FGD6: variants seen among roughly 807,000 people sequenced by gnomAD.
FGD6 encodes the protein FYVE, RhoGEF and PH domain containing 6.
FGD6 carries 90 observed loss-of-function variants against 149.4 expected under a neutral mutation model. The observed-to-expected ratio is 0.60, with a 90% CI of 0.51 to 0.72. The LOEUF (loss-of-function observed/expected upper bound fraction) is 0.72. Among genes scored for constraint, FGD6 ranks in the 30% least tolerant of loss-of-function variants. The pLI, the probability that FGD6 is intolerant of heterozygous loss-of-function variation, is 0.00. For synonymous variants in FGD6, 527 were observed against 584.0 expected (o/e 0.90, Z 1.41); for missense variants, 1,437 against 1,684.8 (o/e 0.85, Z 2.57).
chr12:95,188,960 T>C (rs1881518417), intron 2 of FGD6, among the ~76,000 whole-genome samples: 1 of 152,208 alleles, frequency 6.6e-6, no homozygotes, highest in Non-Finnish European at 1.5e-5. Context: ...GCAATAGTTT[T>C]TGGTCTACTT....
rs1211845755 is a variant in FGD6, at chr12:95,209,101, G to A, written c.2183C>T (p.Ser728Phe). The change falls in exon 2 of 21, where the codon TCC becomes TTC. Residue 728 changes from serine to phenylalanine, a missense_variant. Coordinates refer to ENST00000343958, the MANE Select transcript of FGD6 (RefSeq NM_018351.4). ...RAESLDDQML[S>F]RESSSQAPYK... ...AGGTGCCTGAGATGATGACTCCCGGGAGAGCATTTGGTCATCCAAAGACTC... is the reference window on the plus strand; with the variant it reads ...AGGTGCCTGAGATGATGACTCCCGGAAGAGCATTTGGTCATCCAAAGACTC... 3.1e-6 allele frequency: 5 copies of A among 1,614,134 alleles called. No homozygotes were observed. The highest frequency in any genetic ancestry group is 1.1e-5 in the South Asian group (1 of 91,080).
intron 2 of FGD6, among the ~76,000 whole-genome samples, chr12:95,205,577 A>C (rs1413891569): frequency 6.6e-6 from 1 of 152,236 alleles, no homozygotes; most frequent in East Asian, 1.9e-4. Context: ...TTTTGAATTA[A>C]GTATTCTAAG....
At chr12:95,148,508 CATATATTATATTATATATTATATAATAT>C (rs1880081832) in intron 5 of FGD6, among the ~76,000 whole-genome samples, 1 of 115,828 alleles carries the variant, frequency 8.6e-6, no homozygotes, top group Admixed American at 1.0e-4. Context: ...TAATATATAG[CATATATTATATTATATATTATATAATAT>C]ATAGCATATA....
intron 11 of FGD6, 131 bp downstream of exon 11, chr12:95,108,217 C>A (rs75240920): frequency 1.3e-6 from 1 of 777,740 alleles, no homozygotes; most frequent in Admixed American, 2.9e-5. Context: ...ATGTTTTGAA[C>A]GGATAAAGTG....
chr12:95,081,665 T>TA (rs1565890405), intron 20 of FGD6, 109 bp from the exon 21 acceptor site: 1 of 460,254 alleles, frequency 2.2e-6, no homozygotes, highest in Non-Finnish European at 3.6e-6. Flanking sequence ...ACAACATAGG[T>TA]AAGATATATA....
At chr12:95,173,017 C>T (rs1037052511) in intron 2 of FGD6, among the ~76,000 whole-genome samples, 4 of 152,144 alleles carry the variant, frequency 2.6e-5, no homozygotes, top group African/African-American at 9.7e-5. Context: ...ATATATCCCT[C>T]CCAAAGAAGA....
At chr12:95,145,299 A>G (rs1447467506) in intron 5 of FGD6, among the ~76,000 whole-genome samples, 1 of 152,158 alleles carries the variant, frequency 6.6e-6, no homozygotes, top group Non-Finnish European at 1.5e-5. Context: ...AGAGAATTAC[A>G]TATTCTAAGT....
chr12:95,200,808 G>A (rs916633186), intron 2 of FGD6, among the ~76,000 whole-genome samples: 1 of 151,984 alleles, frequency 6.6e-6, no homozygotes, highest in Non-Finnish European at 1.5e-5. Flanking sequence ...ATTACCAGAA[G>A]CAGGCTAAGC....
At position 95,148,940 on chromosome 12, in the gene FGD6, ATATATAT is replaced by A. The variant is rs1165081168; in HGVS notation, c.2685+3864_2685+3870del. Among the ~76,000 whole-genome samples the A allele has an allele frequency of 8.6e-3, 4 of 464 alleles. 1 individual carries two copies. The African/African-American group carries it at 0.11, about 13-fold the overall frequency. 0.3% of individuals were successfully genotyped at this position (464 alleles called of 152,430 possible). A position where few individuals can be genotyped will look rare whatever the true frequency, so the allele number is the denominator to read the frequency against. Reference sequence around the variant, plus strand: ...TATTATATAAGATATAGCATATATTATATATATTATATAAGATATAGCATATATTATA... The same window carrying A: ...TATTATATAAGATATAGCATATATTATATATAAGATATAGCATATATTATA... On this transcript the variant is annotated intron_variant, in intron 5 of 20. Transcript: ENST00000343958.
intron 8 of FGD6, among the ~76,000 whole-genome samples, chr12:95,117,351 C>G (rs1879047978): frequency 6.6e-6 from 1 of 152,126 alleles, no homozygotes; most frequent in South Asian, 2.1e-4. Flanking sequence ...CACCATCACC[C>G]AACATGAGTA....
chr12:95,164,557 A>C (rs146331735), intron 3 of FGD6, among the ~76,000 whole-genome samples: 2,182 of 151,978 alleles, frequency 0.014, 60 homozygotes, highest in African/African-American at 0.048. Context: ...CAGTCTCCCG[A>C]GCAGCTGGGA....
In FGD6 at chr12:95,089,643, T is replaced by C; in HGVS notation, c.3904A>G (p.Ser1302Gly). 6.2e-7 allele frequency: 1 copy of C among 1,614,034 alleles called. No homozygotes were observed. Among genetic ancestry groups the C allele is most frequent in the Non-Finnish European group, 8.5e-7 (1 of 1,179,898 alleles). ...CTATGTAAGACTGATGATAAGGCAC[T>C]TGAAGGAGATTTGTGATTTCCAGGA... The part of the protein sequence containing the change: ...GSPGNHKSPS[S>G]ALSSVLHSIP... Residue 1302 changes from serine (S) to glycine (G), a missense_variant, in exon 18 of 21, where the codon AGT (serine) becomes GGT (glycine). Physicochemically the swap from Ser to Gly is moderately conservative, Grantham distance 56. Around this residue, in one of 2 missense-constraint regions of FGD6, gnomAD observed 382 missense variants for 538.7 expected, o/e 0.71. Transcript: ENST00000343958.
In FGD6 at chr12:95,145,717, G is replaced by A. The variant is rs201638095; in HGVS notation, c.2686-4178C>T. ...TTTTGAGATGGAGTTTTGCTCTGTC[G>A]TCCAGGCTGGAGTGTGGTACGATCT... On this transcript the variant is annotated intron_variant, in intron 5 of 20. Transcript: ENST00000343958. Among the ~76,000 whole-genome samples, 12 of 152,142 alleles carry A rather than the reference G, an allele frequency of 7.9e-5. No homozygotes were observed. The East Asian group carries it at 9.7e-4, about 12-fold the overall frequency.
At chr12:95,158,464 C>T (rs1472141036) in intron 3 of FGD6, among the ~76,000 whole-genome samples, 1 of 151,882 alleles carries the variant, frequency 6.6e-6, no homozygotes, top group Non-Finnish European at 1.5e-5. Flanking sequence ...CATGATCACT[C>T]ACCTTTTAAA....
chr12:95,206,848 C>T (rs1039123810), intron 2 of FGD6, among the ~76,000 whole-genome samples: 1 of 151,918 alleles, frequency 6.6e-6, no homozygotes, highest in Non-Finnish European at 1.5e-5. Flanking sequence ...CATTTTTAGG[C>T]AAAAGGAGGA....
At chr12:95,110,223 G>A (rs1228810983) in intron 9 of FGD6, among the ~76,000 whole-genome samples, 4 of 152,054 alleles carry the variant, frequency 2.6e-5, no homozygotes, top group South Asian at 4.1e-4. Context: ...TGATCCGCCC[G>A]CCTCAGCCTC....
intron 2 of FGD6, among the ~76,000 whole-genome samples, chr12:95,177,302 G>A (rs866303418): frequency 5.3e-5 from 8 of 152,142 alleles, no homozygotes; most frequent in East Asian, 1.9e-4. Flanking sequence ...TCGGATGGCC[G>A]AGAGAAGGAA....
intron 8 of FGD6, among the ~76,000 whole-genome samples, chr12:95,133,842 T>C (rs1217063257): frequency 1.3e-5 from 2 of 152,206 alleles, no homozygotes; most frequent in Non-Finnish European, 2.9e-5. Context: ...ATAAGCCTGT[T>C]ATCTCATCTG....
At chr12:95,112,442 A>T (rs1878857682) in intron 9 of FGD6, among the ~76,000 whole-genome samples, 1 of 151,780 alleles carries the variant, frequency 6.6e-6, no homozygotes, top group South Asian at 2.1e-4. Flanking sequence ...TCTACTAAAA[A>T]TACAAAAATC....
Sources: gnomAD v4.1 joint callset for allele counts (sites outside exome capture counted in the v4.1 genomes callset) on GRCh38, gnomAD v4.1.1 for gene constraint, gnomAD v4.1.1 regional missense constraint, MANE v1.5 for transcripts, NCBI Gene and HGNC (gene_info 2026-07-23, HGNC 2026-07-21) for gene names.